POM121: variants seen among roughly 807,000 people sequenced by gnomAD.
POM121 encodes the protein nuclear envelope pore membrane protein POM 121.
Under a neutral mutation model 81.3 loss-of-function variants are expected in POM121, and 32 were observed. The observed-to-expected ratio is 0.39, with a 90% confidence interval of 0.30 to 0.53. The LOEUF (loss-of-function observed/expected upper bound fraction) is 0.53. Among genes scored for constraint, POM121 ranks in the 20% least tolerant of loss-of-function variants. The pLI is 0.66. For missense variants in POM121, 1,138 were observed against 1,614.6 expected, an observed-to-expected ratio of 0.70 and a Z score of 5.06; for synonymous variants, 514 against 694.2, an observed-to-expected ratio of 0.74 and a Z score of 4.08.
chr7:72,911,667 A>G (rs1793818215), intron 3 of POM121, among the ~76,000 whole-genome samples: 1 of 152,136 alleles, frequency 6.6e-6, no homozygotes, highest in Non-Finnish European at 1.5e-5. Context: ...GACTCGCCTC[A>G]GCCTTTTCAC....
rs1248981481 is a variant in POM121, at chr7:72,926,426, C to G, written c.809C>G (p.Pro270Arg). Residue 270 changes from proline to arginine, a missense_variant, in exon 2 of 13, where the codon CCA becomes CGA. Physicochemically the swap from Pro to Arg is moderately radical, Grantham distance 103. This residue lies in a region of POM121 where 646 missense variants were observed against 633.5 expected (regional missense o/e 1.02). Transcript: ENST00000434423. The part of the protein sequence containing the change: ...SPRNSRMVCS[P>R]VTVRIAPPDR... ...CGCAACTCCAGGATGGTGTGTAGCC[C>G]AGTGACTGTGAGGATCGCCCCTCCT... 3.7e-6 allele frequency: 6 copies of G among 1,613,872 alleles called. No individual in the cohort carries two copies. The highest frequency in any genetic ancestry group is 5.1e-6 in the Non-Finnish European group (6 of 1,179,886).
upstream of POM121, chr7:72,925,033 C>A (rs1254499449): frequency 7.5e-7 from 1 of 1,331,798 alleles, no homozygotes; most frequent in Admixed American, 4.1e-5. Flanking sequence ...CGGAGTCGCG[C>A]GCGCATGACG....
At position 72,946,336 on chromosome 7, in the gene POM121, T is replaced by A. The variant is rs1797689470; in HGVS notation, c.*102T>A. 1 of 1,483,578 alleles carries A rather than the reference T, an allele frequency of 6.7e-7. No homozygotes were observed. Among genetic ancestry groups the A allele is most frequent in the East Asian group, 2.5e-5 (1 of 40,368 alleles). 91.9% of individuals were successfully genotyped at this position (1,483,578 alleles called of 1,614,324 possible). The stretch of plus-strand genomic sequence containing the variant: ...CCCTTCCAGTTGCGTAAAGCAAACC[T>A]ACCCCGGATCTCTGGCTTCAGCCGC... On this transcript the variant is annotated 3_prime_UTR_variant, in exon 13 of 13. Transcript: ENST00000434423.
chr7:72,893,864 C>T lies in POM121; in HGVS notation c.-216+2754C>T, dbSNP rs190370754. 2.3e-3 allele frequency among the ~76,000 whole-genome samples: 344 copies of T among 152,278 alleles called. 2 individuals carry two copies. Among genetic ancestry groups the T allele is most frequent in the Non-Finnish European group, 1.7e-3 (113 of 68,022 alleles). ...GATGAAACTCAGTCTTCCATCTCTGCCTGGTGCTTCTGCCCTGGTTTCTGC... is the reference window on the plus strand; with the variant it reads ...GATGAAACTCAGTCTTCCATCTCTGTCTGGTGCTTCTGCCCTGGTTTCTGC... On this transcript the variant is annotated intron_variant, in intron 3 of 15. Coordinates refer to the POM121 transcript ENST00000395270.
In POM121 at chr7:72,918,937, A is replaced by G. The variant is rs1794545209; in HGVS notation, c.-152+5109A>G. Reference sequence around the variant, plus strand: ...CTCAGCCTCCCTAGTAGCTGGGATGACAGGCACCCGCCACCACACCCGGCT... The same window carrying G: ...CTCAGCCTCCCTAGTAGCTGGGATGGCAGGCACCCGCCACCACACCCGGCT... On this transcript the variant is annotated intron_variant, in intron 4 of 15. Transcript: ENST00000395270. Among the ~76,000 whole-genome samples, 4 of 152,274 alleles carry G rather than the reference A, an allele frequency of 2.6e-5. No homozygotes were observed. The South Asian group carries it at 8.3e-4, about 32-fold the overall frequency.
intron 1 of POM121, among the ~76,000 whole-genome samples, chr7:72,880,281 T>C (rs1554489109): frequency 6.6e-6 from 1 of 152,168 alleles, no homozygotes; most frequent in African/African-American, 2.4e-5. Context: ...AGGAACAGTC[T>C]GCAGGGATTC....
intron 3 of POM121, among the ~76,000 whole-genome samples, chr7:72,899,097 C>T (rs1369040904): frequency 1.3e-5 from 2 of 149,906 alleles, no homozygotes; most frequent in Non-Finnish European, 3.0e-5. Flanking sequence ...ATTCTCTGGC[C>T]TCAGCCCCTG....
At chr7:72,887,406 T>G (rs1790831620) in intron 1 of POM121, among the ~76,000 whole-genome samples, 1 of 152,182 alleles carries the variant, frequency 6.6e-6, no homozygotes, top group Non-Finnish European at 1.5e-5. Flanking sequence ...TCCTCACATC[T>G]GCCTCGGTTC....
At chr7:72,926,556 A>G (rs756307331) in intron 2 of POM121, 79 bp downstream of exon 2, 7 of 1,591,276 alleles carry the variant, frequency 4.4e-6, no homozygotes, top group East Asian at 2.3e-5. Flanking sequence ...TGACATGACT[A>G]CAACGCAGAA....
chr7:72,925,044 TA>T (rs1795217731), upstream of POM121: 3 of 1,347,958 alleles, frequency 2.2e-6, no homozygotes, highest in East Asian at 3.1e-5. Flanking sequence ...GCGCATGACG[TA>T]GAGGGCGCGC....
rs1335581703 is a variant in POM121 at position 72,946,456 on chromosome 7, A to G, written c.*222A>G. 9 of 1,394,062 alleles carry G rather than the reference A, an allele frequency of 6.5e-6. No homozygotes were observed. In the South Asian group the frequency reaches 1.1e-4, roughly 17 times the overall value. The allele number at this position is 1,394,062 out of a possible 1,614,324, so 86.4% of individuals were successfully genotyped here. ...AGGATGCGGAGGGCCAAAGCCCGGG[A>G]CCTCTACTTGAACAGTTCTACTGGG... On this transcript the variant is annotated 3_prime_UTR_variant, in exon 13 of 13. Transcript: ENST00000434423.
rs536919021 is a variant in POM121, at chr7:72,907,211, C to T, written c.-215-6554C>T. The stretch of plus-strand genomic sequence containing the variant: ...GGCTGTAGAGATTATATTATACATA[C>T]TTATGATTGTTGGCTAGTATCAACC... On this transcript the variant is annotated intron_variant, in intron 3 of 15. Transcript: ENST00000395270. 5.3e-5 allele frequency among the ~76,000 whole-genome samples: 8 copies of T among 152,218 alleles called. No homozygotes were observed. In the East Asian group the frequency reaches 1.4e-3, roughly 26 times the overall value.
At chr7:72,881,278 C>T (rs544561741) in intron 1 of POM121, among the ~76,000 whole-genome samples, 2 of 150,506 alleles carry the variant, frequency 1.3e-5, no homozygotes. Context: ...CATGTTGGCC[C>T]AGGCAGGCGG....
intron 3 of POM121, among the ~76,000 whole-genome samples, chr7:72,909,753 C>G (rs570985225): frequency 6.6e-6 from 1 of 152,152 alleles, no homozygotes; most frequent in Non-Finnish European, 1.5e-5. Context: ...GACTCAGTCA[C>G]TCCTTCTTCT....
At chr7:72,880,636 C>G (rs1563127562) in intron 1 of POM121, among the ~76,000 whole-genome samples, 2 of 151,994 alleles carry the variant, frequency 1.3e-5, no homozygotes, top group Non-Finnish European at 2.9e-5. Context: ...CACCTGTAAT[C>G]CGAGCACTTT....
intron 6 of POM121, among the ~76,000 whole-genome samples, chr7:72,939,083 G>T (rs1295600591): frequency 6.6e-6 from 1 of 152,216 alleles, no homozygotes; most frequent in Non-Finnish European, 1.5e-5. Flanking sequence ...GGACTTGATA[G>T]GTTGTAAGTA....
chr7:72,894,615 TGAGAGAGAGAGGAGAGAGAGAGAGAGAGA>T (rs1791677822), intron 3 of POM121, among the ~76,000 whole-genome samples: 1 of 71,062 alleles, frequency 1.4e-5, no homozygotes, highest in African/African-American at 7.6e-5. Context: ...GAGAGAGAGA[TGAGAGAGAGAGGAGAGAGAGAGAGAGAGA>T]GAGAGAGAGA....
At chr7:72,886,052 C>T (rs1252574779) in intron 1 of POM121, among the ~76,000 whole-genome samples, 9 of 152,052 alleles carry the variant, frequency 5.9e-5, no homozygotes, top group Non-Finnish European at 8.8e-5. Flanking sequence ...CAATAGGACA[C>T]TTCCATTTCT....
At chr7:72,932,685 G>A (rs1332783530) in intron 5 of POM121, among the ~76,000 whole-genome samples, 1 of 152,152 alleles carries the variant, frequency 6.6e-6, no homozygotes, top group Non-Finnish European at 1.5e-5. Context: ...GTATGAGAGG[G>A]ACCATTTCTC....
Sources: gnomAD v4.1 joint callset for allele counts (sites outside exome capture counted in the v4.1 genomes callset) on GRCh38, gnomAD v4.1.1 for gene constraint, gnomAD v4.1.1 regional missense constraint, MANE v1.5 for transcripts, NCBI Gene and HGNC (gene_info 2026-07-23, HGNC 2026-07-21) for gene names.